CDH18: variants seen among roughly 807,000 people sequenced by gnomAD.
CDH18 encodes the protein cadherin-18.
Under a neutral mutation model 67.9 loss-of-function variants are expected in CDH18, and 31 were observed. The observed-to-expected ratio is 0.46, with a 90% CI of 0.34 to 0.62. The LOEUF (loss-of-function observed/expected upper bound fraction) is 0.62, where lower values mean the gene tolerates loss of function less well. Among genes scored for constraint, CDH18 ranks in the 20% least tolerant of loss-of-function variants. The pLI is 0.01. For synonymous variants in CDH18, 362 were observed against 347.2 expected (o/e 1.04, Z -0.48); for missense variants, 890 against 975.5 (o/e 0.91, Z 1.17).
Position 19,613,607 on chromosome 5 carries a change from AG to A in CDH18, c.644-1007del, listed in dbSNP as rs1749354723. 2.6e-5 allele frequency among the ~76,000 whole-genome samples: 4 copies of A among 152,314 alleles called. No homozygotes were observed. The South Asian group carries it at 8.3e-4, about 32-fold the overall frequency. ...CATGATGAACCCTTGGATTGAATAA[AG>A]AAATGAAAAATATTAAATACCCATC... On this transcript the variant is annotated intron_variant, in intron 5 of 12. Coordinates refer to ENST00000382275, the MANE Select transcript of CDH18 (RefSeq NM_004934.5).
In CDH18 at chr5:19,612,516, C is replaced by CCCA; in HGVS notation, c.726_728dup (p.Gly243dup). The CCCA allele has an allele frequency of 4.3e-6, 7 of 1,614,012 alleles. No homozygotes were observed. Among genetic ancestry groups the CCCA allele is most frequent in the Non-Finnish European group, 5.9e-6 (7 of 1,179,964 alleles). On this transcript the variant is annotated inframe_insertion, in exon 6 of 13. Coordinates refer to ENST00000382275, the MANE Select transcript of CDH18 (RefSeq NM_004934.5). Reference sequence around the variant, plus strand: ...TAGATCCTGAAAGCCCTCCAACTTGCCCAGCCATGTCTTTGGCTTGAATGA... The same window carrying CCCA: ...TAGATCCTGAAAGCCCTCCAACTTGCCCACCAGCCATGTCTTTGGCTTGAATGA...
rs186286384 is a variant in CDH18 at position 20,540,046 on chromosome 5, T to C, written c.-580+35416A>G. ...GTCTAACTTTTAGTGTCTGAATTAG[T>C]TTATGCTAATACCTACATAGTGTAA... On this transcript the variant is annotated intron_variant, in intron 1 of 14. Transcript: ENST00000507958. 1.6e-3 allele frequency among the ~76,000 whole-genome samples: 237 copies of C among 152,278 alleles called. 1 individual carries two copies. Among genetic ancestry groups the C allele is most frequent in the African/African-American group, 5.6e-3 (234 of 41,576 alleles).
At chr5:20,338,630 C>A (rs903759334) in intron 1 of CDH18, among the ~76,000 whole-genome samples, 1 of 152,208 alleles carries the variant, frequency 6.6e-6, no homozygotes, top group Admixed American at 6.5e-5. Flanking sequence ...CCTTTTGAGA[C>A]ATCTGGTATA....
chr5:19,845,536 T>C (rs562197325), intron 2 of CDH18, among the ~76,000 whole-genome samples: 320 of 152,212 alleles, frequency 2.1e-3, no homozygotes, highest in Middle Eastern at 3.4e-3. Context: ...ATTTGGTTCA[T>C]AGTGTTGTTC....
chr5:20,176,792 G>C (rs1737270121), intron 2 of CDH18, among the ~76,000 whole-genome samples: 1 of 152,170 alleles, frequency 6.6e-6, no homozygotes, highest in African/African-American at 2.4e-5. Flanking sequence ...TGACTTGGAA[G>C]TTCTTTAGTT....
intron 1 of CDH18, among the ~76,000 whole-genome samples, chr5:20,524,805 T>G (rs1289907640): frequency 6.6e-6 from 1 of 152,164 alleles, no homozygotes; most frequent in Admixed American, 6.6e-5. Flanking sequence ...CTTCAGTTCA[T>G]ACTCTCATGC....
At chr5:19,838,635 G>A (rs538235166) in intron 3 of CDH18, 124 bp downstream of exon 3, 19 of 641,332 alleles carry the variant, frequency 3.0e-5, no homozygotes, top group Admixed American at 1.1e-4. Context: ...TTTCTATAGC[G>A]TAATTCACTC....
intron 7 of CDH18, among the ~76,000 whole-genome samples, chr5:19,581,649 A>T (rs1390110222): frequency 6.6e-6 from 1 of 152,008 alleles, no homozygotes; most frequent in Non-Finnish European, 1.5e-5. Flanking sequence ...CAGCATCCAG[A>T]TTTTAGTTCC....
intron 4 of CDH18, among the ~76,000 whole-genome samples, chr5:19,743,360 T>A (rs981616755): frequency 3.3e-5 from 5 of 152,172 alleles, no homozygotes; most frequent in East Asian, 1.9e-4. Flanking sequence ...GATCTCCCTA[T>A]AATAGCTTAC....
At chr5:19,676,689 A>G (rs1177470672) in intron 5 of CDH18, among the ~76,000 whole-genome samples, 1 of 151,984 alleles carries the variant, frequency 6.6e-6, no homozygotes, top group Non-Finnish European at 1.5e-5. Context: ...CCACCGGGAA[A>G]GTGAGGAGTA....
At chr5:19,818,132 C>A (rs760292981) in intron 3 of CDH18, among the ~76,000 whole-genome samples, 1 of 152,026 alleles carries the variant, frequency 6.6e-6, no homozygotes, top group Non-Finnish European at 1.5e-5. Context: ...AAACCATAAA[C>A]CAAACTTTAT....
intron 1 of CDH18, among the ~76,000 whole-genome samples, chr5:20,348,117 C>T (rs897355674): frequency 6.6e-6 from 1 of 152,180 alleles, no homozygotes; most frequent in African/African-American, 2.4e-5. Flanking sequence ...AGATCCCCCA[C>T]TACTCATGTA....
chr5:20,065,527 C>G (rs1044600690), intron 2 of CDH18, among the ~76,000 whole-genome samples: 1 of 151,914 alleles, frequency 6.6e-6, no homozygotes, highest in East Asian at 1.9e-4. Flanking sequence ...CCCAATAAAC[C>G]CATTTTAAGT....
At chr5:20,553,626 G>C (rs900327872) in intron 1 of CDH18, among the ~76,000 whole-genome samples, 1 of 152,126 alleles carries the variant, frequency 6.6e-6, no homozygotes, top group African/African-American at 2.4e-5. Context: ...GTAACAGCAG[G>C]CTACTCATTG....
intron 1 of CDH18, among the ~76,000 whole-genome samples, chr5:20,473,134 CA>C (rs979817052): frequency 2.0e-5 from 3 of 151,768 alleles, no homozygotes; most frequent in Admixed American, 2.0e-4. Flanking sequence ...AGATGAGATT[CA>C]AACATAGCAC....
intron 2 of CDH18, among the ~76,000 whole-genome samples, chr5:20,219,442 A>G (rs983672395): frequency 1.9e-4 from 29 of 151,912 alleles, no homozygotes; most frequent in African/African-American, 7.0e-4. Context: ...ATTCAGAAAA[A>G]TAGCAGAGGA....
intron 2 of CDH18, among the ~76,000 whole-genome samples, chr5:20,096,438 T>C (rs977200845): frequency 6.6e-6 from 1 of 151,756 alleles, no homozygotes; most frequent in African/African-American, 2.4e-5. Flanking sequence ...CAGCAGAAAA[T>C]AGAGATATGC....
chr5:19,695,115 C>T (rs1047609828), intron 5 of CDH18, among the ~76,000 whole-genome samples: 9 of 151,942 alleles, frequency 5.9e-5, no homozygotes, highest in Admixed American at 3.3e-4. Context: ...GGACTGTGTG[C>T]ACCAAGTGCA....
intron 1 of CDH18, among the ~76,000 whole-genome samples, chr5:20,575,098 C>G (rs959669753): frequency 3.3e-5 from 5 of 151,838 alleles, no homozygotes; most frequent in Non-Finnish European, 7.4e-5. Flanking sequence ...CTATTATTTA[C>G]CAAAGTAGTT....
Sources: allele counts gnomAD v4.1 joint callset (sites outside exome capture counted in the v4.1 genomes callset), GRCh38; gene constraint gnomAD v4.1.1; transcripts MANE v1.5; gene names NCBI Gene and HGNC (gene_info 2026-07-23, HGNC 2026-07-21).